The following ZNF804B variants were observed in gnomAD, a reference collection of about 807,000 sequenced individuals.
ZNF804B encodes zinc finger protein 804B.
ZNF804B carries 80 observed loss-of-function variants against 101.4 expected under a neutral mutation model. That is an observed-to-expected ratio of 0.79 (90% CI 0.66 to 0.95). The LOEUF is 0.95. Ranked by LOEUF, ZNF804B falls within the 40% of genes least tolerant of loss-of-function variation. The pLI is 0.00. For synonymous variants in ZNF804B, 622 were observed against 558.8 expected, an observed-to-expected ratio of 1.11 and a Z score of -1.59; for missense variants, 1,673 against 1,561.9, an observed-to-expected ratio of 1.07 and a Z score of -1.20.
chr7:88,940,395 TA>T (rs1793038837), intron 1 of ZNF804B, among the ~76,000 whole-genome samples: 1 of 151,944 alleles, frequency 6.6e-6, no homozygotes, highest in African/African-American at 2.4e-5. Context: ...AGTATTCAAC[TA>T]AAGAAATTCA....
At chr7:89,043,299 C>T (rs1157200477) in intron 1 of ZNF804B, among the ~76,000 whole-genome samples, 2 of 152,200 alleles carry the variant, frequency 1.3e-5, no homozygotes, top group Non-Finnish European at 2.9e-5. Flanking sequence ...ATCACTTAAT[C>T]ACAAATAGTT....
At chr7:89,282,447 C>T (rs1790115176) in intron 2 of ZNF804B, among the ~76,000 whole-genome samples, 1 of 152,002 alleles carries the variant, frequency 6.6e-6, no homozygotes, top group African/African-American at 2.4e-5. Flanking sequence ...AATAACAAAA[C>T]AACAACAGCA....
intron 2 of ZNF804B, among the ~76,000 whole-genome samples, chr7:89,219,878 T>C (rs1302523088): frequency 6.7e-6 from 1 of 149,056 alleles, no homozygotes. Context: ...ATATGTAGTA[T>C]ATGTGTGTAT....
At chr7:89,005,075 T>C (rs933693028) in intron 1 of ZNF804B, among the ~76,000 whole-genome samples, 8 of 152,156 alleles carry the variant, frequency 5.3e-5, no homozygotes, top group Admixed American at 1.3e-4. Flanking sequence ...GCTTCATCTT[T>C]TCTTACTAAT....
intron 2 of ZNF804B, among the ~76,000 whole-genome samples, chr7:89,280,683 C>T (rs925435307): frequency 2.0e-5 from 3 of 152,168 alleles, no homozygotes; most frequent in Non-Finnish European, 4.4e-5. Context: ...TCGACACATA[C>T]ACTCTCCCAA....
At chr7:88,924,644 A>G (rs1792769352) in intron 1 of ZNF804B, among the ~76,000 whole-genome samples, 1 of 152,178 alleles carries the variant, frequency 6.6e-6, no homozygotes, top group Non-Finnish European at 1.5e-5. Context: ...GCTCTTCCAC[A>G]AGAAATTTAC....
chr7:89,211,742 T>G (rs142228071), intron 1 of ZNF804B, among the ~76,000 whole-genome samples: 170 of 152,306 alleles, frequency 1.1e-3, no homozygotes, highest in African/African-American at 3.8e-3. Context: ...TTTTGGTTAC[T>G]GTAGCCTTGT....
intron 1 of ZNF804B, among the ~76,000 whole-genome samples, chr7:89,211,510 A>C (rs747646093): frequency 6.6e-6 from 1 of 152,154 alleles, no homozygotes; most frequent in African/African-American, 2.4e-5. Context: ...TTTATATATA[A>C]GTCCTTAATC....
chr7:89,115,846 G>A (rs1790302452), intron 1 of ZNF804B, among the ~76,000 whole-genome samples: 1 of 151,710 alleles, frequency 6.6e-6, no homozygotes, highest in African/African-American at 2.4e-5. Context: ...TTAAAGTCAA[G>A]TCAACATTAT....
At chr7:89,082,136 T>C (rs1394620297) in intron 1 of ZNF804B, among the ~76,000 whole-genome samples, 7 of 151,752 alleles carry the variant, frequency 4.6e-5, no homozygotes, top group Admixed American at 4.6e-4. Flanking sequence ...AGAACATTGG[T>C]AAAAGCTTCC....
At chr7:88,811,841 C>G (rs1185582325) in intron 1 of ZNF804B, among the ~76,000 whole-genome samples, 1 of 151,946 alleles carries the variant, frequency 6.6e-6, no homozygotes, top group African/African-American at 2.4e-5. Flanking sequence ...GGGAGAGCAT[C>G]AGAAGAAAAT....
intron 2 of ZNF804B, among the ~76,000 whole-genome samples, chr7:89,286,508 G>T (rs1249397006): frequency 6.6e-6 from 1 of 152,334 alleles, no homozygotes; most frequent in East Asian, 1.9e-4. Flanking sequence ...AGCCAGTCAA[G>T]AAATGACAAA....
intron 1 of ZNF804B, among the ~76,000 whole-genome samples, chr7:89,133,371 A>C (rs1351157684): frequency 6.6e-6 from 1 of 152,034 alleles, no homozygotes; most frequent in Admixed American, 6.6e-5. Context: ...CTGACTAAGG[A>C]TATGGTTGCT....
chr7:88,855,747 T>G (rs917804407), intron 1 of ZNF804B, among the ~76,000 whole-genome samples: 1 of 152,328 alleles, frequency 6.6e-6, no homozygotes, highest in African/African-American at 2.4e-5. Context: ...GGTCTAACAT[T>G]TAAGTCTTTA....
At chr7:88,777,483 A>G (rs1790161421) in intron 1 of ZNF804B, among the ~76,000 whole-genome samples, 1 of 152,190 alleles carries the variant, frequency 6.6e-6, no homozygotes, top group South Asian at 2.1e-4. Flanking sequence ...AAGTTGAAAG[A>G]GTGAGAATAG....
At position 89,052,884 on chromosome 7, in the gene ZNF804B, C is replaced by T. The variant is rs138597687; in HGVS notation, c.109-165271C>T. ...TGAACACTACTTACCCTTTGGTCAT[C>T]CATGTTTGAAAGACATATTTGGGCT... On this transcript the variant is annotated intron_variant, in intron 1 of 3. Transcript: ENST00000333190. Among the ~76,000 whole-genome samples, 371 of 152,282 alleles carry T rather than the reference C, an allele frequency of 2.4e-3. 1 individual carries two copies. The highest frequency in any genetic ancestry group is 8.0e-3 in the African/African-American group (333 of 41,570).
chr7:88,897,169 G>A (rs1478842757), intron 1 of ZNF804B, among the ~76,000 whole-genome samples: 1 of 152,144 alleles, frequency 6.6e-6, no homozygotes. Flanking sequence ...GTAGCATAAG[G>A]AACTTTGCAG....
At chr7:89,266,044 GA>G (rs1437793534) in intron 2 of ZNF804B, among the ~76,000 whole-genome samples, 2 of 152,178 alleles carry the variant, frequency 1.3e-5, no homozygotes, top group African/African-American at 4.8e-5. Flanking sequence ...CCTAGGCTTA[GA>G]TTTTTTTTCT....
intron 1 of ZNF804B, among the ~76,000 whole-genome samples, chr7:88,820,643 A>G (rs890420051): frequency 6.6e-5 from 10 of 152,166 alleles, no homozygotes; most frequent in African/African-American, 2.2e-4. Context: ...AGGCTTATGT[A>G]TGTGGCTGCC....
Sources: allele counts gnomAD v4.1 joint callset (sites outside exome capture counted in the v4.1 genomes callset), GRCh38; gene constraint gnomAD v4.1.1; transcripts MANE v1.5; gene names NCBI Gene and HGNC (gene_info 2026-07-23, HGNC 2026-07-21).